SORCS3: variants seen among roughly 807,000 people sequenced by gnomAD.
SORCS3 encodes the protein sortilin related VPS10 domain containing receptor 3.
A neutral mutation model predicts 146.3 loss-of-function variants in SORCS3; 57 were observed. The ratio of observed to expected loss-of-function variants is 0.39; its 90% CI spans 0.31 to 0.49. The LOEUF (loss-of-function observed/expected upper bound fraction) is 0.49, where lower values mean the gene tolerates loss of function less well. SORCS3 is among the 20% of genes least tolerant of loss of function. The pLI is 0.92. For synonymous variants in SORCS3, 653 were observed against 618.5 expected, an observed-to-expected ratio of 1.06 and a Z score of -0.83; for missense variants, 1,341 against 1,575.5, an observed-to-expected ratio of 0.85 and a Z score of 2.52.
chr10:104,744,099 G>A (rs557329636), intron 1 of SORCS3, among the ~76,000 whole-genome samples: 16 of 152,242 alleles, frequency 1.1e-4, no homozygotes, highest in Non-Finnish European at 1.6e-4. Context: ...TTAAAAACTC[G>A]GTGGGCTTGC....
At position 104,641,341 on chromosome 10, in the gene SORCS3, G is replaced by A; in HGVS notation, c.14G>A (p.Arg5His). 2 of 1,344,790 alleles carry A rather than the reference G, an allele frequency of 1.5e-6. No individual in the cohort carries two copies. The highest frequency in any genetic ancestry group is 1.9e-6 in the Non-Finnish European group (2 of 1,052,440). 83.3% of individuals were successfully genotyped at this position (1,344,790 alleles called of 1,614,324 possible). The change falls in exon 1 of 27, where the codon CGC (arginine) becomes CAC (histidine). Residue 5 changes from arginine (R) to histidine (H), a missense_variant. Coordinates refer to ENST00000369701, the MANE Select transcript of SORCS3 (RefSeq NM_014978.3). This position sits in a 1 kb window ranked among gnomAD's most constrained non-coding sequence, Gnocchi z 6.4. ...AGCCGCAGCGGGATGGAGGCGGCGCGCACGGAGCGCCCCGCAGGCAGGCCG... is the reference window on the plus strand; with the variant it reads ...AGCCGCAGCGGGATGGAGGCGGCGCACACGGAGCGCCCCGCAGGCAGGCCG... MEAARTERPAGRPGA... is the reference protein window; with the variant it reads MEAAHTERPAGRPGA...
At chr10:104,897,964 C>T (rs956906216) in intron 2 of SORCS3, among the ~76,000 whole-genome samples, 2 of 152,174 alleles carry the variant, frequency 1.3e-5, no homozygotes, top group Non-Finnish European at 2.9e-5. Context: ...GGAAATAGAG[C>T]GTTAAATCTC....
intron 8 of SORCS3, among the ~76,000 whole-genome samples, chr10:105,143,095 C>T (rs925665127): frequency 2.0e-5 from 3 of 152,078 alleles, no homozygotes; most frequent in Admixed American, 6.6e-5. Flanking sequence ...TCCATCTATC[C>T]ACTATTTCAC....
At chr10:105,064,923 A>G (rs2055512745) in intron 5 of SORCS3, among the ~76,000 whole-genome samples, 1 of 152,218 alleles carries the variant, frequency 6.6e-6, no homozygotes, top group Non-Finnish European at 1.5e-5. Context: ...TTCTCTAGGT[A>G]TTCCTTAGTC....
intron 5 of SORCS3, among the ~76,000 whole-genome samples, chr10:105,047,001 AGTT>A (rs2055376805): frequency 6.6e-6 from 1 of 152,002 alleles, no homozygotes; most frequent in African/African-American, 2.4e-5. Context: ...GCTATGGCAG[AGTT>A]GTTGTCATGG....
chr10:104,719,287 G>A lies in SORCS3; in HGVS notation c.627+77333G>A, dbSNP rs76833072. ...TTATTTTATTCCTTCCTCATTATAA[G>A]CATACCCTGGTTTTGCTTGTCCTTC... On this transcript the variant is annotated intron_variant, in intron 1 of 26. Transcript: ENST00000369701. Among the ~76,000 whole-genome samples the A allele has an allele frequency of 9.3e-3, 1,410 of 152,214 alleles. 18 individuals carry two copies. The highest frequency in any genetic ancestry group is 0.032 in the African/African-American group (1,333 of 41,536).
At chr10:105,023,934 G>A in intron 4 of SORCS3, among the ~76,000 whole-genome samples, 1 of 152,124 alleles carries the variant, frequency 6.6e-6, no homozygotes, top group East Asian at 1.9e-4. Context: ...AATCCAGTTG[G>A]AAACAGGAGG....
intron 1 of SORCS3, among the ~76,000 whole-genome samples, chr10:104,717,908 A>C (rs550209362): frequency 1.4e-4 from 21 of 151,904 alleles, no homozygotes; most frequent in Admixed American, 2.6e-4. Context: ...TGAGAGGCCG[A>C]GGCAGGTGGA....
intron 2 of SORCS3, among the ~76,000 whole-genome samples, chr10:104,864,445 A>C (rs2133563163): frequency 6.6e-6 from 1 of 152,200 alleles, no homozygotes. Context: ...TGGCACCAAA[A>C]CTACATTCAG....
chr10:105,235,326 T>C (rs1339854551), intron 20 of SORCS3, among the ~76,000 whole-genome samples: 2 of 152,058 alleles, frequency 1.3e-5, no homozygotes, highest in Admixed American at 1.3e-4. Flanking sequence ...TATAACCATA[T>C]GGGCAATTTT....
At chr10:105,243,473 C>G (rs1260864967) in intron 20 of SORCS3, among the ~76,000 whole-genome samples, 1 of 152,106 alleles carries the variant, frequency 6.6e-6, no homozygotes, top group African/African-American at 2.4e-5. Flanking sequence ...TTGACTTCAT[C>G]TCTCTTCTCC....
chr10:104,830,717 A>C (rs2017991000), intron 1 of SORCS3, among the ~76,000 whole-genome samples: 1 of 152,212 alleles, frequency 6.6e-6, no homozygotes, highest in African/African-American at 2.4e-5. Context: ...GGGTGAGAGT[A>C]AACAGCACAG....
chr10:105,200,613 T>C (rs1373139127), intron 15 of SORCS3, among the ~76,000 whole-genome samples: 1 of 152,186 alleles, frequency 6.6e-6, no homozygotes, highest in Admixed American at 6.5e-5. Context: ...CCAGAACCAC[T>C]GGGTCCTTGT....
At chr10:105,192,274 C>A (rs1017964540) in intron 14 of SORCS3, among the ~76,000 whole-genome samples, 1 of 152,012 alleles carries the variant, frequency 6.6e-6, no homozygotes, top group African/African-American at 2.4e-5. Flanking sequence ...CCAATCAAAA[C>A]CTACTACCTG....
In SORCS3 at chr10:105,089,796, G is replaced by A; in HGVS notation, c.1050G>A (p.Lys350=). The change falls in exon 6 of 27, where the codon AAG becomes AAA. Residue 350 remains lysine (K), a synonymous_variant. Transcript: ENST00000369701. Reference sequence around the variant, plus strand: ...CCAGGTCGGTGGCCGGATTGGATAAGGAGGCGGACCTGGTGCACATGGAGG... The same window carrying A: ...CCAGGTCGGTGGCCGGATTGGATAAAGAGGCGGACCTGGTGCACATGGAGG... ...RFYWSVAGLD[K]EADLVHMEVR... 1.2e-6 allele frequency: 2 copies of A among 1,614,140 alleles called. No individual in the cohort carries two copies. The highest frequency in any genetic ancestry group is 1.7e-6 in the Non-Finnish European group (2 of 1,179,984).
rs1019924569 is a variant in SORCS3, at chr10:105,235,182, C to T, written c.2869-10360C>T. On this transcript the variant is annotated intron_variant, in intron 20 of 26. Coordinates refer to ENST00000369701, the MANE Select transcript of SORCS3 (RefSeq NM_014978.3). ...GGCTGGTGTTGTGTATTTTACTTCC[C>T]GTAGCTTAGTTGGACTATAAAACCC... Among the ~76,000 whole-genome samples, 15 of 152,008 alleles carry T rather than the reference C, an allele frequency of 9.9e-5. 1 individual carries two copies. Among genetic ancestry groups the T allele is most frequent in the African/African-American group, 2.2e-4 (9 of 41,392 alleles).
intron 1 of SORCS3, among the ~76,000 whole-genome samples, chr10:104,643,546 G>A (rs1412636330): frequency 6.6e-6 from 1 of 152,172 alleles, no homozygotes; most frequent in African/African-American, 2.4e-5. Context: ...GGCGAGAGGG[G>A]TGGACAATGT....
At chr10:104,883,222 T>A (rs952739382) in intron 2 of SORCS3, among the ~76,000 whole-genome samples, 4 of 152,200 alleles carry the variant, frequency 2.6e-5, no homozygotes, top group Non-Finnish European at 5.9e-5. Flanking sequence ...AGGAAAGAGC[T>A]GCCTAATTAA....
chr10:105,102,126 A>T, intron 6 of SORCS3, among the ~76,000 whole-genome samples: 1 of 152,216 alleles, frequency 6.6e-6, no homozygotes, highest in East Asian at 1.9e-4. Context: ...CTGTTGCTAC[A>T]GGGTCAGGGA....
Sources: gnomAD v4.1 joint callset for allele counts (sites outside exome capture counted in the v4.1 genomes callset) on GRCh38, gnomAD v4.1.1 for gene constraint, Gnocchi (gnomAD v3.1) non-coding constraint, MANE v1.5 for transcripts, NCBI Gene and HGNC (gene_info 2026-07-23, HGNC 2026-07-21) for gene names.